Variants in TTC39C observed in about 807,000 individuals in gnomAD.
TTC39C encodes the protein tetratricopeptide repeat domain 39C.
In TTC39C, 33 loss-of-function variants were observed where a neutral mutation model predicts 76.3. The observed-to-expected ratio is 0.43, with a 90% CI of 0.33 to 0.58. The LOEUF (loss-of-function observed/expected upper bound fraction) is 0.58, where lower values mean the gene tolerates loss of function less well. Ranked by LOEUF, TTC39C falls within the 20% of genes least tolerant of loss-of-function variation. TTC39C has a pLI of 0.04. For missense variants in TTC39C, 595 were observed against 701.4 expected (o/e 0.85, Z 1.71); for synonymous variants, 254 against 260.6 (o/e 0.97, Z 0.24).
intron 4 of TTC39C, among the ~76,000 whole-genome samples, chr18:24,072,342 G>A (rs1032206799): frequency 7.3e-5 from 11 of 151,250 alleles, no homozygotes; most frequent in Admixed American, 6.6e-4. Flanking sequence ...CATGCAGGCT[G>A]GAGTGCAGTG....
intron 6 of TTC39C, among the ~76,000 whole-genome samples, chr18:24,096,357 T>TAG (rs2084589623): frequency 6.6e-6 from 1 of 152,232 alleles, no homozygotes; most frequent in Non-Finnish European, 1.5e-5. Context: ...TTAATTATAT[T>TAG]TTCTGTCTAT....
rs1555779358 is a variant in TTC39C at position 24,134,257 on chromosome 18, G to GTTGTTTTTTTTTTTTTTTT, written c.*1685_*1686insGTTTTTTTTTTTTTTTTTT. 1.0e-4 allele frequency: 5 copies of GTTGTTTTTTTTTTTTTTTT among 48,724 alleles called. 1 individual carries two copies. Among genetic ancestry groups the GTTGTTTTTTTTTTTTTTTT allele is most frequent in the African/African-American group, 1.8e-4 (3 of 16,746 alleles). 3.0% of individuals were successfully genotyped at this position (48,724 alleles called of 1,614,324 possible). On this transcript the variant is annotated 3_prime_UTR_variant, in exon 14 of 14. Transcript: ENST00000317571. ...TGGTGCCCAAAAATATTGGACATCT[G>GTTGTTTTTTTTTTTTTTTT]TTTTTTGTTTTTTTTTTTTTTTTTT...
intron 1 of TTC39C, among the ~76,000 whole-genome samples, chr18:24,001,402 G>A (rs540255553): frequency 9.2e-5 from 14 of 152,198 alleles, no homozygotes; most frequent in South Asian, 8.3e-4. Context: ...CTAGATATTC[G>A]CTCTCTCATT....
rs1218689781 is a variant in TTC39C, at chr18:24,090,797, C to CTTT, written c.984+7740_984+7742dup. On this transcript the variant is annotated intron_variant, in intron 6 of 13. Transcript: ENST00000317571. The stretch of plus-strand genomic sequence containing the variant: ...AAATCTTACATTTATGATTAATTTA[C>CTTT]TTTTTTTTTTTTTTTTTTTTTTTTT... 3.8e-4 allele frequency among the ~76,000 whole-genome samples: 30 copies of CTTT among 79,526 alleles called. 1 individual carries two copies. Among genetic ancestry groups the CTTT allele is most frequent in the Non-Finnish European group, 6.1e-4 (26 of 42,428 alleles). The allele number at this position is 79,526 out of a possible 152,430, so 52.2% of individuals were successfully genotyped here. A position where few individuals can be genotyped will look rare whatever the true frequency, so the allele number is the denominator to read the frequency against.
chr18:24,071,310 T>C (rs1165280982), intron 4 of TTC39C, among the ~76,000 whole-genome samples: 2 of 152,238 alleles, frequency 1.3e-5, no homozygotes, highest in African/African-American at 4.8e-5. Flanking sequence ...ACATGCTGTG[T>C]GCTAAGCACT....
intron 2 of TTC39C, among the ~76,000 whole-genome samples, chr18:24,065,278 G>A (rs1387398982): frequency 6.6e-6 from 1 of 152,220 alleles, no homozygotes; most frequent in Non-Finnish European, 1.5e-5. Context: ...TAGGAAATGA[G>A]GAGTTAGAGA....
Sources: allele counts gnomAD v4.1 joint callset (sites outside exome capture counted in the v4.1 genomes callset), GRCh38; gene constraint gnomAD v4.1.1; transcripts MANE v1.5; gene names NCBI Gene and HGNC (gene_info 2026-07-23, HGNC 2026-07-21).